Variants in CTNNA3 observed in about 807,000 individuals in gnomAD.
The protein encoded by CTNNA3 is catenin alpha-3.
Under a neutral mutation model 95.7 loss-of-function variants are expected in CTNNA3, and 76 were observed. That is an observed-to-expected ratio of 0.79 (90% confidence interval 0.66 to 0.96). The LOEUF is 0.96. CTNNA3 is among the 40% of genes least tolerant of loss of function. CTNNA3 has a pLI of 0.00. For synonymous variants in CTNNA3, 431 were observed against 374.4 expected (o/e 1.15, Z -1.74); for missense variants, 1,191 against 1,089.8 (o/e 1.09, Z -1.31).
chr10:66,708,074 G>A (rs1848174884), intron 9 of CTNNA3, among the ~76,000 whole-genome samples: 1 of 152,016 alleles, frequency 6.6e-6, no homozygotes, highest in African/African-American at 2.4e-5. Flanking sequence ...AAACTTTATA[G>A]AAATGGGAAA....
At chr10:66,938,633 C>G (rs1847844920) in intron 7 of CTNNA3, among the ~76,000 whole-genome samples, 1 of 152,106 alleles carries the variant, frequency 6.6e-6, no homozygotes, top group Non-Finnish European at 1.5e-5. Flanking sequence ...TGAGTAGACT[C>G]ATGCAGCTCA....
chr10:67,679,037 T>C (rs1335159648), intron 1 of CTNNA3, among the ~76,000 whole-genome samples: 8 of 152,182 alleles, frequency 5.3e-5, no homozygotes, highest in Admixed American at 3.9e-4. Context: ...AGGAGAATGG[T>C]CTTTAAAATA....
intron 7 of CTNNA3, among the ~76,000 whole-genome samples, chr10:66,977,443 A>C (rs1490462246): frequency 1.3e-5 from 2 of 151,982 alleles, no homozygotes; most frequent in Non-Finnish European, 2.9e-5. Flanking sequence ...TCAAAAAAAA[A>C]AAAAATGTAT....
chr10:66,369,696 C>T (rs527342769), intron 12 of CTNNA3, among the ~76,000 whole-genome samples: 1 of 152,206 alleles, frequency 6.6e-6, no homozygotes, highest in African/African-American at 2.4e-5. Flanking sequence ...TTGTCATTTG[C>T]AAATGTTGGC....
At chr10:66,036,678 C>T (rs2133476131) in intron 15 of CTNNA3, among the ~76,000 whole-genome samples, 1 of 152,098 alleles carries the variant, frequency 6.6e-6, no homozygotes, top group East Asian at 1.9e-4. Flanking sequence ...GTCCAGCTTG[C>T]CAGGCATTCC....
intron 5 of CTNNA3, among the ~76,000 whole-genome samples, chr10:67,389,459 A>G (rs1041945376): frequency 2.0e-5 from 3 of 152,084 alleles, no homozygotes; most frequent in African/African-American, 4.8e-5. Flanking sequence ...CACATTAAAA[A>G]TGGGAGACTT....
chr10:66,826,761 T>A (rs545852061), intron 7 of CTNNA3, among the ~76,000 whole-genome samples: 1 of 152,324 alleles, frequency 6.6e-6, no homozygotes, highest in Admixed American at 6.5e-5. Flanking sequence ...TCAAAGTGAT[T>A]GCAGTTTTAG....
intron 3 of CTNNA3, among the ~76,000 whole-genome samples, chr10:67,556,498 C>A (rs1490388942): frequency 6.6e-6 from 1 of 151,952 alleles, no homozygotes; most frequent in Non-Finnish European, 1.5e-5. Flanking sequence ...TGTATATGTC[C>A]AGGAATTTAT....
At chr10:66,535,423 T>C (rs1369676074) in intron 10 of CTNNA3, among the ~76,000 whole-genome samples, 1 of 152,202 alleles carries the variant, frequency 6.6e-6, no homozygotes, top group East Asian at 1.9e-4. Context: ...AATAAGGTAC[T>C]ACTGTTTCCT....
intron 15 of CTNNA3, among the ~76,000 whole-genome samples, chr10:66,002,647 G>A (rs1397429192): frequency 3.3e-5 from 5 of 152,154 alleles, no homozygotes; most frequent in East Asian, 1.9e-4. Context: ...AGGTACCCTC[G>A]ATCTACAAGA....
chr10:67,212,114 C>T (rs867754094), intron 6 of CTNNA3, among the ~76,000 whole-genome samples: 2 of 151,896 alleles, frequency 1.3e-5, no homozygotes, highest in Non-Finnish European at 2.9e-5. Flanking sequence ...CTCAGATTTA[C>T]CACCCATTTT....
chr10:65,953,756 G>A (rs576508305), intron 17 of CTNNA3, among the ~76,000 whole-genome samples: 2 of 152,240 alleles, frequency 1.3e-5, no homozygotes, highest in Admixed American at 6.5e-5. Context: ...TGGTGTATAT[G>A]TGCCACATTT....
intron 7 of CTNNA3, among the ~76,000 whole-genome samples, chr10:66,872,357 G>A (rs1196239715): frequency 6.6e-6 from 1 of 152,072 alleles, no homozygotes; most frequent in African/African-American, 2.4e-5. Flanking sequence ...TGATTCTAGA[G>A]TTTATGTTAT....
At chr10:67,588,505 A>G (rs907347899) in intron 3 of CTNNA3, among the ~76,000 whole-genome samples, 1 of 150,708 alleles carries the variant, frequency 6.6e-6, no homozygotes, top group Non-Finnish European at 1.5e-5. Flanking sequence ...AGGTAAAGTT[A>G]TTAGTGGAGA....
chr10:66,560,839 C>T (rs908952702), intron 10 of CTNNA3, among the ~76,000 whole-genome samples: 3 of 150,726 alleles, frequency 2.0e-5, no homozygotes, highest in Admixed American at 6.6e-5. Flanking sequence ...AGCTTGCCTG[C>T]TCTCTCTCTC....
chr10:65,972,909 A>AGGGG (rs1182816414), intron 16 of CTNNA3, among the ~76,000 whole-genome samples: 2 of 150,706 alleles, frequency 1.3e-5, no homozygotes, highest in African/African-American at 4.9e-5. Context: ...AGGGGGAAAA[A>AGGGG]AAAAAAAAAA....
At chr10:66,869,109 T>C (rs1844298275) in intron 7 of CTNNA3, among the ~76,000 whole-genome samples, 1 of 152,224 alleles carries the variant, frequency 6.6e-6, no homozygotes, top group Non-Finnish European at 1.5e-5. Context: ...TAACAAATAC[T>C]GACTTTTTAA....
At chr10:66,132,460 A>C (rs566425847) in intron 13 of CTNNA3, among the ~76,000 whole-genome samples, 2 of 152,312 alleles carry the variant, frequency 1.3e-5, no homozygotes, top group East Asian at 3.9e-4. Flanking sequence ...GTGGGAGTGT[A>C]AATTATTAGT....
At chr10:67,424,974 G>A (rs562798533) in intron 5 of CTNNA3, among the ~76,000 whole-genome samples, 19 of 152,120 alleles carry the variant, frequency 1.2e-4, no homozygotes, top group African/African-American at 3.6e-4. Context: ...TTTAAAAAGC[G>A]TGTATTAGAA....
Sources: allele counts gnomAD v4.1 joint callset (sites outside exome capture counted in the v4.1 genomes callset), GRCh38; gene constraint gnomAD v4.1.1; transcripts MANE v1.5; gene names NCBI Gene and HGNC (gene_info 2026-07-23, HGNC 2026-07-21).